SHROOM3: variants seen among roughly 807,000 people sequenced by gnomAD.
The protein encoded by SHROOM3 is protein Shroom3.
A neutral mutation model predicts 138.6 loss-of-function variants in SHROOM3; 47 were observed. The ratio of observed to expected loss-of-function variants is 0.34; its 90% confidence interval spans 0.27 to 0.43. The LOEUF is 0.43. Ranked by LOEUF, SHROOM3 falls within the 20% of genes least tolerant of loss-of-function variation. The pLI, the probability that SHROOM3 is intolerant of heterozygous loss-of-function variation, is 1.00. For synonymous variants in SHROOM3, 1,062 were observed against 1,063.3 expected, an observed-to-expected ratio of 1.00 and a Z score of 0.02; for missense variants, 2,491 against 2,596.5, an observed-to-expected ratio of 0.96 and a Z score of 0.88.
chr4:76,542,396 T>C (rs1267712636), intron 1 of SHROOM3, among the ~76,000 whole-genome samples: 1 of 152,178 alleles, frequency 6.6e-6, no homozygotes, highest in Non-Finnish European at 1.5e-5. Flanking sequence ...TTACGTGCCA[T>C]GGGAAATAAA....
chr4:76,518,570 C>T (rs1040039464), intron 1 of SHROOM3, among the ~76,000 whole-genome samples: 2 of 144,810 alleles, frequency 1.4e-5, no homozygotes, highest in Non-Finnish European at 3.0e-5. Context: ...TTCCTTCTTG[C>T]CTGCTTGCCT....
At chr4:76,616,112 A>G (rs951806921) in intron 2 of SHROOM3, among the ~76,000 whole-genome samples, 1 of 152,170 alleles carries the variant, frequency 6.6e-6, no homozygotes, top group South Asian at 2.1e-4. Flanking sequence ...TGAAAATAAA[A>G]AAGGCCTGGG....
intron 2 of SHROOM3, chr4:76,688,806 T>C (rs879571972): frequency 2.0e-6 from 2 of 985,234 alleles, no homozygotes; most frequent in Non-Finnish European, 2.4e-6. Flanking sequence ...AAGAATCACG[T>C]CTCTTGTCTA....
At chr4:76,672,419 CAA>C (rs35488837) in intron 2 of SHROOM3, among the ~76,000 whole-genome samples, 24,322 of 127,340 alleles carry the variant, frequency 0.19, 2,200 homozygotes, top group East Asian at 0.36. Flanking sequence ...AATTAGGGAC[CAA>C]AAAAAAAAAA....
chr4:76,438,865 G>A (rs1233755266), intron 1 of SHROOM3, among the ~76,000 whole-genome samples: 1 of 152,078 alleles, frequency 6.6e-6, no homozygotes, highest in East Asian at 1.9e-4. Flanking sequence ...ATCTAGCACA[G>A]TGCCTGGCAC....
At chr4:76,554,800 G>T (rs1048054329) in intron 1 of SHROOM3, among the ~76,000 whole-genome samples, 1 of 152,032 alleles carries the variant, frequency 6.6e-6, no homozygotes, top group Non-Finnish European at 1.5e-5. Flanking sequence ...CAACCAGGCC[G>T]CACAGTAGGA....
At chr4:76,755,978 CCT>C (rs1256139806) in intron 7 of SHROOM3, among the ~76,000 whole-genome samples, 2 of 152,196 alleles carry the variant, frequency 1.3e-5, no homozygotes, top group African/African-American at 4.8e-5. Flanking sequence ...TACCACTACC[CCT>C]GTTAACCTAG....
chr4:76,723,522 C>A (rs746492175), intron 3 of SHROOM3, among the ~76,000 whole-genome samples: 7 of 152,136 alleles, frequency 4.6e-5, no homozygotes, highest in Non-Finnish European at 5.9e-5. Flanking sequence ...CTCACATTAC[C>A]CAGTTTTATT....
At chr4:76,548,766 A>G (rs1206829761) in intron 1 of SHROOM3, among the ~76,000 whole-genome samples, 4 of 152,210 alleles carry the variant, frequency 2.6e-5, no homozygotes, top group African/African-American at 4.8e-5. Context: ...GACTTCTCCT[A>G]TAGGTGTGGG....
chr4:76,712,856 C>A (rs1720271070), intron 3 of SHROOM3, among the ~76,000 whole-genome samples: 1 of 152,236 alleles, frequency 6.6e-6, no homozygotes, highest in Non-Finnish European at 1.5e-5. Context: ...GTGTGACCTA[C>A]ACACCTGGGC....
chr4:76,469,063 A>G (rs1170123034), intron 1 of SHROOM3, among the ~76,000 whole-genome samples: 1 of 150,932 alleles, frequency 6.6e-6, no homozygotes, highest in African/African-American at 2.4e-5. Flanking sequence ...TTAGCCGGAC[A>G]TGGTGGTGTA....
At chr4:76,777,647 T>C (rs1722610110) in intron 10 of SHROOM3, among the ~76,000 whole-genome samples, 1 of 152,218 alleles carries the variant, frequency 6.6e-6, no homozygotes, top group South Asian at 2.1e-4. Flanking sequence ...ATAGCAGTGG[T>C]GAAAGTGAGC....
chr4:76,435,670 A>G lies in SHROOM3; in HGVS notation c.-383A>G, dbSNP rs924482300. ...CTTACTATATTGTAAGATGCTTTTA[A>G]TTTTCTCTGTAAAATAGGCAGAAAT... On this transcript the variant is annotated 5_prime_UTR_variant, in exon 1 of 11. Coordinates refer to ENST00000296043, the MANE Select transcript of SHROOM3 (RefSeq NM_020859.4). 1.2e-5 allele frequency: 2 copies of G among 161,436 alleles called. No individual in the cohort carries two copies. Among genetic ancestry groups the G allele is most frequent in the Non-Finnish European group, 2.7e-5 (2 of 74,400 alleles). The allele number at this position is 161,436 out of a possible 1,614,324, so 10.0% of individuals were successfully genotyped here.
intron 1 of SHROOM3, among the ~76,000 whole-genome samples, chr4:76,502,041 A>T (rs560299848): frequency 3.7e-4 from 56 of 152,216 alleles, no homozygotes; most frequent in Middle Eastern, 6.8e-3. Context: ...CTCATGAATG[A>T]ATTAATCCAT....
chr4:76,468,981 C>T (rs1428309163), intron 1 of SHROOM3, among the ~76,000 whole-genome samples: 1 of 150,356 alleles, frequency 6.7e-6, no homozygotes. Flanking sequence ...TTGCAGTGAG[C>T]TGAGATGGTG....
At position 76,641,815 on chromosome 4, in the gene SHROOM3, C is replaced by T. The variant is rs547158503; in HGVS notation, c.324-68341C>T. Among the ~76,000 whole-genome samples, 137 of 152,232 alleles carry T rather than the reference C, an allele frequency of 9.0e-4. 1 individual carries two copies. The highest frequency in any genetic ancestry group is 3.1e-3 in the African/African-American group (130 of 41,558). The stretch of plus-strand genomic sequence containing the variant: ...AAATGCAGAATTAGATTACTGTCCC[C>T]GACCAGTTGGTTCACATTTTAAACA... On this transcript the variant is annotated intron_variant, in intron 2 of 10. Transcript: ENST00000296043.
intron 2 of SHROOM3, chr4:76,639,773 A>C: frequency 2.5e-6 from 1 of 394,832 alleles, no homozygotes. Context: ...AGTAAATGGG[A>C]AGTTCTTACT....
At position 76,770,795 on chromosome 4, in the gene SHROOM3, A is replaced by T; in HGVS notation, c.5519A>T (p.Asp1840Val). 1 of 1,614,160 alleles carries T rather than the reference A, an allele frequency of 6.2e-7. No individual in the cohort carries two copies. Among genetic ancestry groups the T allele is most frequent in the Non-Finnish European group, 8.5e-7 (1 of 1,180,018 alleles). ...EFDKYRMFIG[D>V]LDKVVNLLLS... ...GACAAGTATAGGATGTTCATAGGGG[A>T]TTTGGACAAGGTGGTCAACCTGCTG... is the stretch of plus-strand genomic sequence containing the variant. The change falls in exon 10 of 11, where the codon GAT becomes GTT. Residue 1840 changes from aspartate to valine, a missense_variant. This residue lies in a region of SHROOM3 where 470 missense variants were observed against 595.0 expected (regional missense o/e 0.79). Transcript: ENST00000296043.
chr4:76,572,505 A>T (rs1485047194), intron 2 of SHROOM3, among the ~76,000 whole-genome samples: 1 of 152,230 alleles, frequency 6.6e-6, no homozygotes, highest in Non-Finnish European at 1.5e-5. Context: ...TTAGTGGTCA[A>T]TGATGGTGGG....
Sources: gnomAD v4.1 joint callset for allele counts (sites outside exome capture counted in the v4.1 genomes callset) on GRCh38, gnomAD v4.1.1 for gene constraint, gnomAD v4.1.1 regional missense constraint, MANE v1.5 for transcripts, NCBI Gene and HGNC (gene_info 2026-07-23, HGNC 2026-07-21) for gene names.